The following OSBP2 variants were observed in gnomAD, a reference collection of about 807,000 sequenced individuals.
OSBP2 encodes the protein oxysterol-binding protein 2.
In OSBP2, 66 loss-of-function variants were observed where a neutral mutation model predicts 96.0. That is an observed-to-expected ratio of 0.69 (90% confidence interval 0.56 to 0.84). The LOEUF (loss-of-function observed/expected upper bound fraction) is 0.84. OSBP2 is among the 40% of genes least tolerant of loss of function. OSBP2 has a pLI of 0.00. For missense variants in OSBP2, 1,038 were observed against 1,222.7 expected (o/e 0.85, Z 2.25); for synonymous variants, 525 against 520.9 (o/e 1.01, Z -0.11).
At position 30,895,382 on chromosome 22, in the gene OSBP2, G is replaced by T. The variant is rs551071562; in HGVS notation, c.2375+1381G>T. On this transcript the variant is annotated intron_variant, in intron 12 of 13. Transcript: ENST00000332585. Reference sequence around the variant, plus strand: ...TAGCGTGCTGAAGACAAGAAATAAAGAAAAATGTTCATCTAGATCATGCTA... The same window carrying T: ...TAGCGTGCTGAAGACAAGAAATAAATAAAAATGTTCATCTAGATCATGCTA... Among the ~76,000 whole-genome samples the T allele has an allele frequency of 4.3e-4, 65 of 152,206 alleles. 2 individuals carry two copies. The South Asian group carries it at 0.013, about 31-fold the overall frequency.
intron 1 of OSBP2, among the ~76,000 whole-genome samples, chr22:30,706,441 T>C (rs1453840954): frequency 6.6e-6 from 1 of 152,132 alleles, no homozygotes; most frequent in Non-Finnish European, 1.5e-5. Flanking sequence ...TTAATACCGA[T>C]TTAACAATCT....
chr22:30,887,937 G>A (rs983248528), intron 4 of OSBP2, among the ~76,000 whole-genome samples: 2 of 152,242 alleles, frequency 1.3e-5, no homozygotes, highest in Non-Finnish European at 2.9e-5. Flanking sequence ...CTGGACAGGG[G>A]TCCATCAGAA....
intron 2 of OSBP2, among the ~76,000 whole-genome samples, chr22:30,785,573 AAAAAAAAAAAC>A (rs916424826): frequency 2.1e-5 from 3 of 144,294 alleles, no homozygotes; most frequent in African/African-American, 8.2e-5. Flanking sequence ...TCTCAAAAAA[AAAAAAAAAAAC>A]AGGCTTAATC....
At chr22:30,798,072 C>G (rs1176037954) in intron 2 of OSBP2, among the ~76,000 whole-genome samples, 1 of 152,232 alleles carries the variant, frequency 6.6e-6, no homozygotes, top group Non-Finnish European at 1.5e-5. Flanking sequence ...GTTTTAAATT[C>G]TCCACATCCT....
At chr22:30,830,740 T>C (rs1275513688) in intron 2 of OSBP2, among the ~76,000 whole-genome samples, 1 of 152,212 alleles carries the variant, frequency 6.6e-6, no homozygotes, top group African/African-American at 2.4e-5. Context: ...TTTTTAAGGG[T>C]TATTTACTGT....
intron 1 of OSBP2, among the ~76,000 whole-genome samples, chr22:30,726,029 C>G (rs1310206820): frequency 2.0e-5 from 3 of 152,118 alleles, no homozygotes; most frequent in Non-Finnish European, 4.4e-5. Flanking sequence ...ATATGCCCAC[C>G]TCAGCCTCCC....
intron 3 of OSBP2, among the ~76,000 whole-genome samples, chr22:30,885,550 A>T (rs2039791532): frequency 6.6e-6 from 1 of 152,156 alleles, no homozygotes; most frequent in African/African-American, 2.4e-5. Context: ...TGTGATTCAG[A>T]CTCTGATGTA....
chr22:30,801,256 A>G (rs1336678448), intron 2 of OSBP2, among the ~76,000 whole-genome samples: 1 of 152,228 alleles, frequency 6.6e-6, no homozygotes, highest in East Asian at 1.9e-4. Context: ...TTTTGACAGT[A>G]TGTTACTTAA....
chr22:30,707,597 G>T (rs1384520133), intron 1 of OSBP2, among the ~76,000 whole-genome samples: 1 of 151,140 alleles, frequency 6.6e-6, no homozygotes, highest in Non-Finnish European at 1.5e-5. Context: ...GGGCCCTGTA[G>T]TCCCAGCTAC....
At chr22:30,792,238 G>A (rs549263461) in intron 2 of OSBP2, among the ~76,000 whole-genome samples, 8 of 152,174 alleles carry the variant, frequency 5.3e-5, no homozygotes, top group African/African-American at 1.7e-4. Flanking sequence ...GCTTGAACTC[G>A]GGAGGTGGAG....
At chr22:30,902,808 T>C in intron 12 of OSBP2, 1 of 390,314 alleles carries the variant, frequency 2.6e-6, no homozygotes, top group South Asian at 2.2e-5. Flanking sequence ...GAATGGAACA[T>C]GGGGGGTTGG....
chr22:30,831,793 C>T (rs2038527889), intron 2 of OSBP2, among the ~76,000 whole-genome samples: 1 of 152,104 alleles, frequency 6.6e-6, no homozygotes, highest in South Asian at 2.1e-4. Context: ...CCAATCCAGG[C>T]ATGGGTGAGA....
chr22:30,724,422 T>C lies in OSBP2; in HGVS notation c.645-16739T>C, dbSNP rs7291536. Among the ~76,000 whole-genome samples the C allele has an allele frequency of 8.3e-3, 1,270 of 152,278 alleles. 22 individuals carry two copies. The highest frequency in any genetic ancestry group is 0.027 in the African/African-American group (1,123 of 41,564). ...TTTTAGTAGAGATGGGGTTTCACCA[T>C]GTTGACCAGGCTGGTCTCCAACTCC... On this transcript the variant is annotated intron_variant, in intron 1 of 13. Coordinates refer to ENST00000332585, the MANE Select transcript of OSBP2 (RefSeq NM_030758.4).
At chr22:30,746,404 G>A (rs2089999986) in intron 2 of OSBP2, among the ~76,000 whole-genome samples, 1 of 151,126 alleles carries the variant, frequency 6.6e-6, no homozygotes, top group African/African-American at 2.4e-5. Context: ...AGCCTGAGCA[G>A]TGGAGTGAGA....
intron 12 of OSBP2, among the ~76,000 whole-genome samples, chr22:30,898,229 G>A (rs1302475683): frequency 6.6e-6 from 1 of 152,028 alleles, no homozygotes; most frequent in African/African-American, 2.4e-5. Flanking sequence ...GTACATGCCT[G>A]TAGTCCCAGA....
chr22:30,890,576 T>G lies in OSBP2; in HGVS notation c.1624-152T>G. ...AGGAGGGGCCAGGGAGGTGATGGCT[T>G]GGGGGCCACACTGTTGGACAGGGCC... On this transcript the variant is annotated intron_variant, in intron 7 of 13. Coordinates refer to ENST00000332585, the MANE Select transcript of OSBP2 (RefSeq NM_030758.4). The surrounding 1 kb of genome is among the most constrained non-coding windows in gnomAD (Gnocchi z 4.4). 1.3e-6 allele frequency: 1 copy of G among 789,778 alleles called. No individual in the cohort carries two copies. The highest frequency in any genetic ancestry group is 1.7e-5 in the South Asian group (1 of 58,290). The allele number at this position is 789,778 out of a possible 1,614,324, so 48.9% of individuals were successfully genotyped here. A position where few individuals can be genotyped will look rare whatever the true frequency, so the allele number is the denominator to read the frequency against.
chr22:30,869,803 GGGTGGGGCAGGACCTCT>G (rs1305580867), intron 2 of OSBP2, among the ~76,000 whole-genome samples: 2 of 152,228 alleles, frequency 1.3e-5, no homozygotes, highest in Non-Finnish European at 2.9e-5. Context: ...TCAAAGGGGT[GGGTGGGGCAGGACCTCT>G]GGTGGGGGCA....
At position 30,881,938 on chromosome 22, in the gene OSBP2, A is replaced by G. The variant is rs2039712427; in HGVS notation, c.1108-5488A>G. On this transcript the variant is annotated intron_variant, in intron 3 of 13. Coordinates refer to ENST00000332585, the MANE Select transcript of OSBP2 (RefSeq NM_030758.4). This position sits in a 1 kb window ranked among gnomAD's most constrained non-coding sequence, Gnocchi z 4.5. ...TTGATATTAGGGCACAGCAGTTTTC[A>G]CCCTGCCCCGCTTTTAGGTGACTGT... 2.8e-6 allele frequency: 2 copies of G among 702,144 alleles called. No homozygotes were observed. The highest frequency in any genetic ancestry group is 5.8e-5 in the Admixed American group (2 of 34,420). The allele number at this position is 702,144 out of a possible 1,614,324, so 43.5% of individuals were successfully genotyped here. A position where few individuals can be genotyped will look rare whatever the true frequency, so the allele number is the denominator to read the frequency against.
At chr22:30,902,017 T>C (rs932856543) in intron 12 of OSBP2, among the ~76,000 whole-genome samples, 6 of 149,312 alleles carry the variant, frequency 4.0e-5, no homozygotes, top group Non-Finnish European at 7.4e-5. Flanking sequence ...ATTGAATGAA[T>C]AACTGTGGTA....
Sources: allele counts gnomAD v4.1 joint callset (sites outside exome capture counted in the v4.1 genomes callset), GRCh38; gene constraint gnomAD v4.1.1; non-coding constraint Gnocchi (gnomAD v3.1); transcripts MANE v1.5; gene names NCBI Gene and HGNC (gene_info 2026-07-23, HGNC 2026-07-21).